Variants in SH2D4B observed in about 807,000 individuals in gnomAD.
The protein encoded by SH2D4B is SH2 domain containing 4B.
Under a neutral mutation model 61.5 loss-of-function variants are expected in SH2D4B, and 45 were observed. The observed-to-expected ratio is 0.73, with a 90% CI of 0.58 to 0.94. The LOEUF (loss-of-function observed/expected upper bound fraction) is 0.94. Among genes scored for constraint, SH2D4B ranks in the 40% least tolerant of loss-of-function variants. The pLI is 0.00. For missense variants in SH2D4B, 572 were observed against 574.2 expected, an observed-to-expected ratio of 1.00 and a Z score of 0.04; for synonymous variants, 224 against 220.4, an observed-to-expected ratio of 1.02 and a Z score of -0.14.
chr10:80,634,057 A>T (rs1842864706), intron 6 of SH2D4B, among the ~76,000 whole-genome samples: 1 of 152,108 alleles, frequency 6.6e-6, no homozygotes, highest in Non-Finnish European at 1.5e-5. Flanking sequence ...CCTAGTAGAA[A>T]CTCTGCCCCC....
rs986924117 is a variant in SH2D4B at position 80,634,514 on chromosome 10, C to G, written c.1209+9C>G. On this transcript the variant is annotated intron_variant, in intron 7 of 7. Transcript: ENST00000646907. ...TCGTTGATTTCCATAAGGTATCCCT[C>G]ACAGGGATACTAATGGGGGGGAGGG... The G allele has an allele frequency of 6.5e-7, 1 of 1,548,298 alleles. No individual in the cohort carries two copies. Among genetic ancestry groups the G allele is most frequent in the South Asian group, 1.2e-5 (1 of 83,944 alleles).
chr10:80,590,947 T>C (rs115147796), intron 4 of SH2D4B, among the ~76,000 whole-genome samples: 1,711 of 151,354 alleles, frequency 0.011, 33 homozygotes, highest in African/African-American at 0.038. Context: ...TGCTACAACA[T>C]GAATGGACCT....
At chr10:80,585,512 C>T (rs1842234568) in intron 3 of SH2D4B, among the ~76,000 whole-genome samples, 3 of 152,138 alleles carry the variant, frequency 2.0e-5, no homozygotes, top group African/African-American at 7.2e-5. Flanking sequence ...GACGGGGTTT[C>T]ACCATGTTGG....
chr10:80,543,345 C>T (rs1841611583), intron 1 of SH2D4B, among the ~76,000 whole-genome samples: 1 of 152,092 alleles, frequency 6.6e-6, no homozygotes, highest in Admixed American at 6.5e-5. Flanking sequence ...CTCGGAGCGG[C>T]CGGCCACCTG....
At chr10:80,585,758 T>TG (rs1337923302) in intron 3 of SH2D4B, among the ~76,000 whole-genome samples, 2 of 152,226 alleles carry the variant, frequency 1.3e-5, no homozygotes, top group Non-Finnish European at 2.9e-5. Context: ...CTCCTCTGCC[T>TG]GGGCTCCCAC....
Position 80,546,526 on chromosome 10 carries a change from A to ATT in SH2D4B, c.184+8027_184+8028dup, listed in dbSNP as rs61475653. ...AAATGTATATTAAATAGCATACGGTATTTTTTTTTTTTTTTTTGATACGGA... is the reference window on the plus strand; with the variant it reads ...AAATGTATATTAAATAGCATACGGTATTTTTTTTTTTTTTTTTTTGATACGGA... On this transcript the variant is annotated intron_variant, in intron 1 of 7. Coordinates refer to ENST00000646907, the MANE Select transcript of SH2D4B (RefSeq NM_001388272.1). Among the ~76,000 whole-genome samples the ATT allele has an allele frequency of 7.3e-3, 1,017 of 138,404 alleles. 12 individuals carry two copies. The highest frequency in any genetic ancestry group is 0.012 in the Non-Finnish European group (773 of 64,582). The allele number at this position is 138,404 out of a possible 152,430, so 90.8% of individuals were successfully genotyped here.
chr10:80,602,343 C>T (rs1842459903), intron 4 of SH2D4B, among the ~76,000 whole-genome samples: 1 of 152,172 alleles, frequency 6.6e-6, no homozygotes, highest in Admixed American at 6.5e-5. Context: ...CACACCTGTA[C>T]TCTCAGCTAC....
intron 1 of SH2D4B, among the ~76,000 whole-genome samples, chr10:80,567,403 A>G (rs1841983886): frequency 6.6e-6 from 1 of 152,158 alleles, no homozygotes; most frequent in South Asian, 2.1e-4. Flanking sequence ...CTTCTCCTCC[A>G]TCTAAAATAC....
intron 4 of SH2D4B, among the ~76,000 whole-genome samples, chr10:80,595,689 C>G (rs1413268438): frequency 6.6e-6 from 1 of 152,168 alleles, no homozygotes; most frequent in Non-Finnish European, 1.5e-5. Flanking sequence ...AGATAAGAGT[C>G]AAATCTCAGG....
At chr10:80,629,194 G>A (rs886579114) in intron 6 of SH2D4B, among the ~76,000 whole-genome samples, 2 of 152,058 alleles carry the variant, frequency 1.3e-5, no homozygotes, top group South Asian at 4.1e-4. Flanking sequence ...TATCCATGGT[G>A]GAAGGCAAAG....
rs754425661 is a variant in SH2D4B, at chr10:80,603,693, G to A, written c.758G>A (p.Ser253Asn). The A allele has an allele frequency of 6.8e-6, 11 of 1,613,106 alleles. No individual in the cohort carries two copies. In the Admixed American group the frequency reaches 1.2e-4, roughly 17 times the overall value. Residue 253 changes from serine (S) to asparagine (N), a missense_variant, in exon 5 of 8, where the codon AGC becomes AAC. By Grantham distance (46) the Ser-to-Asn change is conservative. Transcript: ENST00000646907. Reference sequence around the variant, plus strand: ...CAGAAGGGCACGGTCGCTGGCCTCAGCTCCATGTTCCGGGAGCTTGGCCAG... The same window carrying A: ...CAGAAGGGCACGGTCGCTGGCCTCAACTCCATGTTCCGGGAGCTTGGCCAG... ...AIQKGTVAGLSSMFRELGQSH... is the reference protein window; with the variant it reads ...AIQKGTVAGLNSMFRELGQSH...
At chr10:80,613,855 C>T (rs532619774) in intron 6 of SH2D4B, among the ~76,000 whole-genome samples, 6 of 152,308 alleles carry the variant, frequency 3.9e-5, no homozygotes, top group African/African-American at 1.2e-4. Flanking sequence ...CTGAAGGTCA[C>T]AGAGCTGCTA....
intron 1 of SH2D4B, among the ~76,000 whole-genome samples, chr10:80,556,003 C>CT (rs1841831261): frequency 2.0e-5 from 3 of 152,138 alleles, no homozygotes; most frequent in Admixed American, 6.6e-5. Flanking sequence ...ATGGCTTGGG[C>CT]TTTCCAGCAT....
intron 3 of SH2D4B, among the ~76,000 whole-genome samples, chr10:80,581,220 A>T (rs927229463): frequency 6.6e-6 from 1 of 152,160 alleles, no homozygotes; most frequent in African/African-American, 2.4e-5. Flanking sequence ...ACATGGCCCT[A>T]CAATTTAACT....
intron 7 of SH2D4B, among the ~76,000 whole-genome samples, chr10:80,638,718 C>T (rs1358482246): frequency 4.0e-5 from 6 of 151,856 alleles, no homozygotes; most frequent in South Asian, 2.1e-4. Context: ...TCAATTTTGT[C>T]GATCTTTTCA....
intron 6 of SH2D4B, among the ~76,000 whole-genome samples, chr10:80,622,574 C>A (rs1215977183): frequency 6.6e-6 from 1 of 152,158 alleles, no homozygotes. Context: ...CCTCTATTTG[C>A]CTGTATTTTG....
At chr10:80,570,119 C>T in intron 1 of SH2D4B, 35 bp from the exon 2 acceptor site, 1 of 1,613,256 alleles carries the variant, frequency 6.2e-7, no homozygotes, top group Non-Finnish European at 8.5e-7. Flanking sequence ...GATTGAAAAT[C>T]AAACTTGTTT....
intron 7 of SH2D4B, among the ~76,000 whole-genome samples, chr10:80,637,830 G>A (rs1840211975): frequency 6.6e-6 from 1 of 152,304 alleles, no homozygotes; most frequent in African/African-American, 2.4e-5. Flanking sequence ...ATATTGAATT[G>A]TAGTGGTGAG....
At chr10:80,549,236 T>TGTG (rs1841725785) in intron 1 of SH2D4B, among the ~76,000 whole-genome samples, 1 of 151,488 alleles carries the variant, frequency 6.6e-6, no homozygotes, top group Non-Finnish European at 1.5e-5. Flanking sequence ...TGTGTGTGTG[T>TGTG]GTGTGTGTGA....
Sources: allele counts gnomAD v4.1 joint callset (sites outside exome capture counted in the v4.1 genomes callset), GRCh38; gene constraint gnomAD v4.1.1; transcripts MANE v1.5; gene names NCBI Gene and HGNC (gene_info 2026-07-23, HGNC 2026-07-21).